RNFT2: variants seen among roughly 807,000 people sequenced by gnomAD.
RNFT2 encodes the protein E3 ubiquitin-protein ligase RNFT2.
A neutral mutation model predicts 53.0 loss-of-function variants in RNFT2; 36 were observed. The observed-to-expected ratio is 0.68, with a 90% CI of 0.52 to 0.90. RNFT2 has a LOEUF of 0.90. Among genes scored for constraint, RNFT2 ranks in the 40% least tolerant of loss-of-function variants. RNFT2 has a pLI of 0.00. For synonymous variants in RNFT2, 260 were observed against 253.2 expected (o/e 1.03, Z -0.26); for missense variants, 514 against 585.6 (o/e 0.88, Z 1.26).
chr12:116,841,788 T>C (rs1283859499), intron 10 of RNFT2, among the ~76,000 whole-genome samples: 1 of 97,050 alleles, frequency 1.0e-5, no homozygotes, highest in South Asian at 2.8e-4. Context: ...TAAATATATA[T>C]ATATAAATAT....
At chr12:116,847,324 A>G (rs1014454408) in intron 10 of RNFT2, among the ~76,000 whole-genome samples, 1 of 152,104 alleles carries the variant, frequency 6.6e-6, no homozygotes, top group African/African-American at 2.4e-5. Context: ...CACCCCTGGG[A>G]CCAATCAAGA....
intron 3 of RNFT2, among the ~76,000 whole-genome samples, chr12:116,747,807 C>T (rs1049818290): frequency 1.3e-4 from 20 of 152,076 alleles, no homozygotes; most frequent in African/African-American, 4.8e-4. Flanking sequence ...TGTCCTCCTG[C>T]TCCCCAACAC....
At chr12:116,836,355 C>A in intron 10 of RNFT2, 73 bp downstream of exon 10, 1 of 1,278,616 alleles carries the variant, frequency 7.8e-7, no homozygotes, top group Non-Finnish European at 1.1e-6. Context: ...ATGGGCAGTC[C>A]TCGGGTCTCT....
intron 7 of RNFT2, among the ~76,000 whole-genome samples, chr12:116,804,509 C>G (rs1395348522): frequency 6.6e-6 from 1 of 152,192 alleles, no homozygotes; most frequent in Non-Finnish European, 1.5e-5. Flanking sequence ...TCCCCTAACT[C>G]ATGAGCAATT....
chr12:116,841,516 G>A (rs901609353), intron 10 of RNFT2, among the ~76,000 whole-genome samples: 5 of 151,194 alleles, frequency 3.3e-5, no homozygotes, highest in African/African-American at 7.3e-5. Context: ...GGGAGGGTGA[G>A]GCAGGCGGAT....
chr12:116,853,205 G>A lies in RNFT2; in HGVS notation c.*3757G>A. On this transcript the variant is annotated 3_prime_UTR_variant, in exon 11 of 11. Transcript: ENST00000257575. ...GCAGCCAGGAGTCCCCGTTGGAAAA[G>A]AACAATGCCACTCTCTTTTATGTAT... The A allele has an allele frequency of 7.5e-6, 3 of 399,496 alleles. No homozygotes were observed. Among genetic ancestry groups the A allele is most frequent in the Non-Finnish European group, 1.3e-5 (3 of 226,754 alleles). 24.7% of individuals were successfully genotyped at this position (399,496 alleles called of 1,614,324 possible). A position where few individuals can be genotyped will look rare whatever the true frequency, so the allele number is the denominator to read the frequency against.
intron 10 of RNFT2, among the ~76,000 whole-genome samples, chr12:116,836,962 T>G (rs1222387613): frequency 6.6e-6 from 1 of 152,088 alleles, no homozygotes; most frequent in Non-Finnish European, 1.5e-5. Context: ...TAATAACAGC[T>G]ACTTCATAGG....
chr12:116,849,302 C>T lies in RNFT2; in HGVS notation c.1201-12C>T, dbSNP rs1486068877. On this transcript the variant is annotated splice_polypyrimidine_tract_variant and intron_variant, in intron 10 of 10. Transcript: ENST00000257575. ...AAAGAGTCCTGGTGCCTGCTGATTG[C>T]TGTCCCCGCAGCACGTGTTCTGTGA... 3 of 1,528,450 alleles carry T rather than the reference C, an allele frequency of 2.0e-6. No individual in the cohort carries two copies. Among genetic ancestry groups the T allele is most frequent in the African/African-American group, 2.7e-5 (2 of 72,816 alleles). The allele number at this position is 1,528,450 out of a possible 1,614,324, so 94.7% of individuals were successfully genotyped here. A position where few individuals can be genotyped will look rare whatever the true frequency, so the allele number is the denominator to read the frequency against.
intron 6 of RNFT2, among the ~76,000 whole-genome samples, chr12:116,774,791 A>AGGGTGGAGGGTGGG (rs1873353843): frequency 9.4e-6 from 1 of 106,462 alleles, no homozygotes; most frequent in South Asian, 3.2e-4. Context: ...TGGAGGGTGG[A>AGGGTGGAGGGTGGG]GGGGATGGAG....
chr12:116,837,991 A>G (rs1877062302), intron 10 of RNFT2, among the ~76,000 whole-genome samples: 2 of 152,020 alleles, frequency 1.3e-5, no homozygotes, highest in Admixed American at 6.6e-5. Flanking sequence ...ATATGTGTGT[A>G]TATATTTATA....
chr12:116,766,941 G>A, intron 6 of RNFT2, 27 bp downstream of exon 6: 1 of 1,492,690 alleles, frequency 6.7e-7, no homozygotes, highest in Non-Finnish European at 9.2e-7. Context: ...AACCCCCACG[G>A]TGGGAGAGTG....
intron 7 of RNFT2, among the ~76,000 whole-genome samples, chr12:116,821,468 C>CA: frequency 6.6e-6 from 1 of 152,218 alleles, no homozygotes; most frequent in Admixed American, 6.5e-5. Context: ...CCCACAACCC[C>CA]ACCATCCTAA....
In RNFT2 at chr12:116,849,520, C is replaced by T. The variant is rs1301190958; in HGVS notation, c.*72C>T. 1.3e-6 allele frequency: 2 copies of T among 1,487,602 alleles called. No individual in the cohort carries two copies. Among genetic ancestry groups the T allele is most frequent in the Non-Finnish European group, 1.8e-6 (2 of 1,115,752 alleles). 92.2% of individuals were successfully genotyped at this position (1,487,602 alleles called of 1,614,324 possible). On this transcript the variant is annotated 3_prime_UTR_variant, in exon 11 of 11. Coordinates refer to ENST00000257575, the MANE Select transcript of RNFT2 (RefSeq NM_001382266.1). The stretch of plus-strand genomic sequence containing the variant: ...CCGGACCCAGCCCTGCGGGGGCTTC[C>T]TGAGAAACAGGCCTCAAGCACTTAC...
chr12:116,839,425 G>A (rs111292661), intron 10 of RNFT2, among the ~76,000 whole-genome samples: 1,252 of 112,536 alleles, frequency 0.011, 26 homozygotes, highest in African/African-American at 0.039. Context: ...GGGTGGGTGG[G>A]TGGATGGATG....
At chr12:116,772,601 A>G (rs1407579285) in intron 6 of RNFT2, among the ~76,000 whole-genome samples, 1 of 151,758 alleles carries the variant, frequency 6.6e-6, no homozygotes, top group Non-Finnish European at 1.5e-5. Context: ...CATTGCGCCC[A>G]GCCCAAAAGT....
chr12:116,747,983 G>A (rs146943922), intron 3 of RNFT2, among the ~76,000 whole-genome samples: 4 of 152,128 alleles, frequency 2.6e-5, no homozygotes, highest in Non-Finnish European at 5.9e-5. Context: ...ATGAGGTCAG[G>A]AGTTCAATAC....
At chr12:116,816,057 A>G (rs1875642568) in intron 7 of RNFT2, among the ~76,000 whole-genome samples, 1 of 152,230 alleles carries the variant, frequency 6.6e-6, no homozygotes, top group Admixed American at 6.5e-5. Context: ...GCTTAAGACT[A>G]TAGCTGACTT....
intron 3 of RNFT2, among the ~76,000 whole-genome samples, chr12:116,747,256 A>T (rs918232771): frequency 6.6e-6 from 1 of 152,072 alleles, no homozygotes; most frequent in African/African-American, 2.4e-5. Flanking sequence ...GGTTCTTGCA[A>T]TGTTGCCCAG....
At chr12:116,813,671 C>T (rs1458259827) in intron 7 of RNFT2, among the ~76,000 whole-genome samples, 1 of 152,238 alleles carries the variant, frequency 6.6e-6, no homozygotes, top group East Asian at 1.9e-4. Context: ...ATTCCCAGCA[C>T]AGTGCATGGT....
Sources: gnomAD v4.1 joint callset for allele counts (sites outside exome capture counted in the v4.1 genomes callset) on GRCh38, gnomAD v4.1.1 for gene constraint, MANE v1.5 for transcripts, NCBI Gene and HGNC (gene_info 2026-07-23, HGNC 2026-07-21) for gene names.